The following ZNF540 variants were observed in gnomAD, a reference collection of about 807,000 sequenced individuals.
The protein encoded by ZNF540 is zinc finger protein 540.
Under a neutral mutation model 11.8 loss-of-function variants are expected in ZNF540, and 3 were observed. That is an observed-to-expected ratio of 0.25 (90% confidence interval 0.12 to 0.65). The LOEUF is 0.65. ZNF540 is among the 30% of genes least tolerant of loss of function. The pLI is 0.83. For missense variants in ZNF540, 709 were observed against 793.1 expected (o/e 0.89, Z 1.27); for synonymous variants, 247 against 259.0 (o/e 0.95, Z 0.45).
At chr19:37,586,573 G>T in intron 1 of ZNF540, 1 of 1,480,522 alleles carries the variant, frequency 6.8e-7, no homozygotes, top group South Asian at 1.2e-5. Flanking sequence ...TTCCCTTAAG[G>T]AACCAAACAA....
upstream of ZNF540, among the ~76,000 whole-genome samples, chr19:37,591,682 T>C (rs982046522): frequency 6.6e-6 from 1 of 151,952 alleles, no homozygotes; most frequent in African/African-American, 2.4e-5. Flanking sequence ...GTAGCTGGGA[T>C]TACAGGAATG....
chr19:37,551,874 G>T, intron 1 of ZNF540, among the ~76,000 whole-genome samples: 1 of 152,060 alleles, frequency 6.6e-6, no homozygotes, highest in East Asian at 1.9e-4. Flanking sequence ...GTCTCGTGCG[G>T]TGGAGCGCCG....
At chr19:37,565,752 T>TA (rs765044288) in intron 1 of ZNF540, 6 of 1,613,732 alleles carry the variant, frequency 3.7e-6, no homozygotes, top group South Asian at 3.3e-5. Flanking sequence ...CCACATGCGT[T>TA]ACACTGATAA....
Position 37,612,562 on chromosome 19 carries a change from G to C in ZNF540, c.1282G>C (p.Val428Leu). The C allele has an allele frequency of 1.2e-6, 2 of 1,614,048 alleles. No homozygotes were observed. Among genetic ancestry groups the C allele is most frequent in the South Asian group, 1.1e-5 (1 of 91,072 alleles). ...TTTTAGTTATAGTGGTGACCTCAGA[G>C]TACATTCTAGAATTCATACTGGAGA... ...KAFSYSGDLR[V>L]HSRIHTGEKP... is the part of the protein sequence containing the mutation. Residue 428 changes from valine (V) to leucine (L), a missense_variant, in exon 5 of 5, where the codon GTA becomes CTA. Transcript: ENST00000316433.
At chr19:37,554,220 CTACTTA>C (rs5827981) in intron 1 of ZNF540, among the ~76,000 whole-genome samples, 40,380 of 151,846 alleles carry the variant, frequency 0.27, 6,346 homozygotes, top group Non-Finnish European at 0.37. Flanking sequence ...TGTTTAGCTT[CTACTTA>C]TAAGTGAGAA....
intron 1 of ZNF540, among the ~76,000 whole-genome samples, chr19:37,577,140 A>C (rs1462463354): frequency 2.0e-5 from 3 of 152,242 alleles, no homozygotes; most frequent in African/African-American, 7.2e-5. Context: ...GGAAAATTTC[A>C]TAGTAAATTA....
At chr19:37,600,349 G>T (rs746386803) in intron 3 of ZNF540, among the ~76,000 whole-genome samples, 1 of 152,066 alleles carries the variant, frequency 6.6e-6, no homozygotes, top group Non-Finnish European at 1.5e-5. Context: ...AAACCTGCAC[G>T]TATGGCCCTG....
At chr19:37,594,194 G>C (rs1206627394), upstream of ZNF540, 1 of 152,262 alleles carries the variant, frequency 6.6e-6, no homozygotes, top group Admixed American at 6.5e-5. Flanking sequence ...CTCACCATCA[G>C]GGAAACTTCA....
chr19:37,611,861 G>A lies in ZNF540; in HGVS notation c.581G>A (p.Ser194Asn). ...AAACATGATTGTAAAGAATGTGGGA[G>A]TACTTTTAATAATGTCTATCAGCTT... ...DVKHDCKECG[S>N]TFNNVYQLTL... Residue 194 changes from serine (S) to asparagine (N), a missense_variant, in exon 5 of 5, where the codon AGT becomes AAT. By Grantham distance (46) the Ser-to-Asn change is conservative. Coordinates refer to ENST00000316433, the MANE Select transcript of ZNF540 (RefSeq NM_001172225.3). 6.2e-7 allele frequency: 1 copy of A among 1,613,876 alleles called. No individual in the cohort carries two copies. The highest frequency in any genetic ancestry group is 8.5e-7 in the Non-Finnish European group (1 of 1,179,928).
At chr19:37,580,239 CT>C in intron 1 of ZNF540, among the ~76,000 whole-genome samples, 1 of 152,328 alleles carries the variant, frequency 6.6e-6, no homozygotes, top group African/African-American at 2.4e-5. Flanking sequence ...CTAACAGGAA[CT>C]GTTCTAACTC....
At position 37,568,324 on chromosome 19, in the gene ZNF540, C is replaced by CCG. The variant is rs1555716387; in HGVS notation, c.-73+16660_-73+16661insGC. Among the ~76,000 whole-genome samples the CCG allele has an allele frequency of 7.3e-5, 11 of 150,848 alleles. No homozygotes were observed. The South Asian group carries it at 1.3e-3, about 18-fold the overall frequency. On this transcript the variant is annotated intron_variant, in intron 1 of 4. Coordinates refer to the ZNF540 transcript ENST00000592533. Reference sequence around the variant, plus strand: ...ATAAAAACAAAAGCAACTACCCCCCCCCACTTGCCATATACACACCACAGC... The same window carrying CCG: ...ATAAAAACAAAAGCAACTACCCCCCCCGCCACTTGCCATATACACACCACAGC...
chr19:37,578,740 C>T (rs1028198316), intron 1 of ZNF540, among the ~76,000 whole-genome samples: 1 of 152,080 alleles, frequency 6.6e-6, no homozygotes, highest in African/African-American at 2.4e-5. Context: ...TCCCAGATAG[C>T]AGACCATGCA....
In ZNF540 at chr19:37,613,890, G is replaced by C. The variant is rs13343597; in HGVS notation, c.*627G>C. ...CCTTTAGGAGGAAATTAGGTCATGAGGGTGGAGCCTTCATGAGTGGAATTA... is the reference window on the plus strand; with the variant it reads ...CCTTTAGGAGGAAATTAGGTCATGACGGTGGAGCCTTCATGAGTGGAATTA... On this transcript the variant is annotated 3_prime_UTR_variant, in exon 5 of 5. Coordinates refer to ENST00000316433, the MANE Select transcript of ZNF540 (RefSeq NM_001172225.3). 4,227 of 398,538 alleles carry C rather than the reference G, an allele frequency of 0.011. 131 individuals carry two copies. Among genetic ancestry groups the C allele is most frequent in the African/African-American group, 0.075 (3,640 of 48,718 alleles). 24.7% of individuals were successfully genotyped at this position (398,538 alleles called of 1,614,324 possible). A position where few individuals can be genotyped will look rare whatever the true frequency, so the allele number is the denominator to read the frequency against.
chr19:37,557,960 C>T (rs986329135), intron 1 of ZNF540, among the ~76,000 whole-genome samples: 3 of 152,116 alleles, frequency 2.0e-5, no homozygotes, highest in Non-Finnish European at 4.4e-5. Context: ...AAATAGGCTA[C>T]TGGGCGTCTC....
intron 1 of ZNF540, among the ~76,000 whole-genome samples, chr19:37,559,396 C>T (rs2042694119): frequency 6.6e-6 from 1 of 152,094 alleles, no homozygotes; most frequent in Non-Finnish European, 1.5e-5. Context: ...CAAGAATAAA[C>T]ATATAAAGAT....
rs746114598 is a variant in ZNF540 at position 37,553,113 on chromosome 19, C to CTTTT, written c.-73+1483_-73+1486dup. Among the ~76,000 whole-genome samples the CTTTT allele has an allele frequency of 1.2e-4, 4 of 33,130 alleles. 1 individual carries two copies. Among genetic ancestry groups the CTTTT allele is most frequent in the Non-Finnish European group, 2.2e-4 (4 of 18,174 alleles). 21.7% of individuals were successfully genotyped at this position (33,130 alleles called of 152,430 possible). On this transcript the variant is annotated intron_variant, in intron 1 of 4. Coordinates refer to the ZNF540 transcript ENST00000592533. ...AATCTTTTTTTATATAACCTAACAT[C>CTTTT]TTTTTTTTTTTTTTTTTTTTTTTTT...
intron 1 of ZNF540, chr19:37,584,304 A>G: frequency 3.4e-6 from 2 of 587,918 alleles, no homozygotes; most frequent in East Asian, 3.3e-5. Context: ...TCCATTATCC[A>G]GAAAGGTCTG....
chr19:37,578,596 G>T (rs1399516201), intron 1 of ZNF540, among the ~76,000 whole-genome samples: 1 of 152,152 alleles, frequency 6.6e-6, no homozygotes, highest in Non-Finnish European at 1.5e-5. Flanking sequence ...GCTGAGGGGC[G>T]GTCAGAATGC....
At chr19:37,579,866 G>A (rs1285838079) in intron 1 of ZNF540, among the ~76,000 whole-genome samples, 2 of 151,976 alleles carry the variant, frequency 1.3e-5, no homozygotes, top group Non-Finnish European at 2.9e-5. Flanking sequence ...TCCAATTTTA[G>A]GCCAACATTT....
Sources: allele counts gnomAD v4.1 joint callset (sites outside exome capture counted in the v4.1 genomes callset), GRCh38; gene constraint gnomAD v4.1.1; transcripts MANE v1.5; gene names NCBI Gene and HGNC (gene_info 2026-07-23, HGNC 2026-07-21).